MUC22: variants seen among roughly 807,000 people sequenced by gnomAD.
The protein encoded by MUC22 is mucin 22, also known as mucin-22.
A neutral mutation model predicts 40.3 loss-of-function variants in MUC22; 24 were observed. The observed-to-expected ratio is 0.60, with a 90% CI of 0.43 to 0.84. The LOEUF is 0.84. Among genes scored for constraint, MUC22 ranks in the 40% least tolerant of loss-of-function variants. MUC22 has a pLI of 0.00. For missense variants in MUC22, 1,926 were observed against 2,130.7 expected, an observed-to-expected ratio of 0.90 and a Z score of 1.89; for synonymous variants, 765 against 844.5, an observed-to-expected ratio of 0.91 and a Z score of 1.63.
intron 1 of MUC22, among the ~76,000 whole-genome samples, chr6:31,021,538 C>T (rs1413305448): frequency 1.4e-5 from 2 of 144,912 alleles, no homozygotes; most frequent in African/African-American, 2.6e-5. Flanking sequence ...CACTCTGTAT[C>T]TAGCTCAAGG....
intron 1 of MUC22, among the ~76,000 whole-genome samples, chr6:31,024,789 G>C (rs1213535671): frequency 6.6e-6 from 1 of 151,570 alleles, no homozygotes; most frequent in Non-Finnish European, 1.5e-5. Context: ...ATCACATCGA[G>C]CTCATTAACA....
At chr6:31,008,698 G>A (rs2523925), upstream of MUC22, among the ~76,000 whole-genome samples, 22,391 of 151,640 alleles carry the variant, frequency 0.15, 1,728 homozygotes, top group Admixed American at 0.2. Flanking sequence ...ACAGGCACCC[G>A]CCACTACGCC....
chr6:31,030,199 C>A, intron 2 of MUC22, 99 bp downstream of exon 2: 2 of 1,294,440 alleles, frequency 1.5e-6, no homozygotes, highest in South Asian at 3.1e-5. Context: ...TGGTTCAAGT[C>A]AAGCCAGCAC....
intron 1 of MUC22, among the ~76,000 whole-genome samples, chr6:31,025,159 CT>C (rs1485435210): frequency 2.6e-5 from 4 of 152,102 alleles, no homozygotes; most frequent in Non-Finnish European, 5.9e-5. Flanking sequence ...AAATGGCTGC[CT>C]TCTTATCCTT....
At chr6:31,005,953 CA>C (rs751221290), upstream of MUC22, among the ~76,000 whole-genome samples, 4 of 152,016 alleles carry the variant, frequency 2.6e-5, no homozygotes, top group Non-Finnish European at 5.9e-5. Context: ...ACTAAAAATA[CA>C]AAAACTAGCT....
chr6:31,016,627 T>A (rs3869096), intron 1 of MUC22, among the ~76,000 whole-genome samples: 1 of 152,124 alleles, frequency 6.6e-6, no homozygotes, highest in Non-Finnish European at 1.5e-5. Flanking sequence ...TTTTGAGAGG[T>A]GACAGGGTGC....
chr6:31,010,502 TG>T, exon 1 of MUC22: 1 of 560,364 alleles, frequency 1.8e-6, no homozygotes, highest in Non-Finnish European at 3.2e-6. Flanking sequence ...GAAGCCAAAC[TG>T]TGGAGCAATT....
In MUC22 at chr6:31,011,056, G is replaced by A. The variant is rs1763836267; in HGVS notation, c.70+280G>A. On this transcript the variant is annotated intron_variant, in intron 1 of 3. Transcript: ENST00000561890. This position sits in a 1 kb window ranked among gnomAD's most constrained non-coding sequence, Gnocchi z 4.5. ...GGTGGGGCGGTGCTGGGGAAATGGA[G>A]GGGGGTGAGATTTTACTTTCCTTTG... 6.6e-6 allele frequency among the ~76,000 whole-genome samples: 1 copy of A among 151,626 alleles called. No individual in the cohort carries two copies. The highest frequency in any genetic ancestry group is 2.4e-5 in the African/African-American group (1 of 41,100).
chr6:31,011,199 T>G lies in MUC22; in HGVS notation c.70+423T>G, dbSNP rs1214372634. 7.9e-6 allele frequency among the ~76,000 whole-genome samples: 1 copy of G among 127,064 alleles called. No homozygotes were observed. Among genetic ancestry groups the G allele is most frequent in the Admixed American group, 7.7e-5 (1 of 13,038 alleles). 83.4% of individuals were successfully genotyped at this position (127,064 alleles called of 152,430 possible). A position where few individuals can be genotyped will look rare whatever the true frequency, so the allele number is the denominator to read the frequency against. On this transcript the variant is annotated intron_variant, in intron 1 of 3. Transcript: ENST00000561890. The surrounding 1 kb of genome is among the most constrained non-coding windows in gnomAD (Gnocchi z 4.5). ...TCAAGTAAAAATCCTTCAATCCTTC[T>G]TTGTTTTTTTTCCATAGGTTATTTG...
chr6:31,021,975 T>C (rs1019303715), intron 1 of MUC22, among the ~76,000 whole-genome samples: 4 of 152,120 alleles, frequency 2.6e-5, no homozygotes, highest in African/African-American at 9.7e-5. Context: ...GCTTCACTCC[T>C]GAAGCCAGCG....
chr6:31,023,600 ACAC>A (rs1412832844), intron 1 of MUC22, among the ~76,000 whole-genome samples: 1 of 152,224 alleles, frequency 6.6e-6, no homozygotes, highest in Admixed American at 6.5e-5. Context: ...TATGGTCCAG[ACAC>A]CACAATTAAA....
upstream of MUC22, among the ~76,000 whole-genome samples, chr6:31,009,280 T>C (rs1362167474): frequency 6.6e-6 from 1 of 152,212 alleles, no homozygotes; most frequent in Non-Finnish European, 1.5e-5. Flanking sequence ...TTGCCTAGAC[T>C]GCTCTTGAAC....
In MUC22 at chr6:31,028,463, G is replaced by A. The variant is rs758781966; in HGVS notation, c.3032G>A (p.Gly1011Asp). Residue 1011 changes from glycine (G) to aspartate (D), a missense_variant, in exon 2 of 4, where the codon GGC becomes GAC. Gly to Asp is a moderately conservative substitution (Grantham distance 94). Transcript: ENST00000561890. ...GAGACCACCTCAGCCTCTACTACAG[G>A]CTCTGAGACCACCACAGCCTCTACT... 36 of 1,533,088 alleles carry A rather than the reference G, an allele frequency of 2.3e-5. No individual in the cohort carries two copies. The South Asian group carries it at 4.3e-4, about 18-fold the overall frequency. 95.0% of individuals were successfully genotyped at this position (1,533,088 alleles called of 1,614,324 possible). A position where few individuals can be genotyped will look rare whatever the true frequency, so the allele number is the denominator to read the frequency against.
At chr6:31,021,851 T>C (rs1764780011) in intron 1 of MUC22, among the ~76,000 whole-genome samples, 1 of 152,138 alleles carries the variant, frequency 6.6e-6, no homozygotes, top group South Asian at 2.1e-4. Flanking sequence ...CTTGGGTCGT[T>C]TTCCACACTG....
At chr6:31,028,666 A>T in exon 2 of MUC22, 1 of 1,534,072 alleles carries the variant, frequency 6.5e-7, no homozygotes, top group South Asian at 1.2e-5. Context: ...CACAGTCTCC[A>T]CTGCAGGCTC....
At chr6:31,010,955 A>T (rs965524238) in intron 1 of MUC22, among the ~76,000 whole-genome samples, 179 bp downstream of exon 1, 5 of 147,002 alleles carry the variant, frequency 3.4e-5, no homozygotes, top group Admixed American at 2.1e-4. Flanking sequence ...TCCACTGACC[A>T]TGATTCTGAT....
chr6:31,034,827 T>C (rs754743793), exon 4 of MUC22: 1 of 1,535,378 alleles, frequency 6.5e-7, no homozygotes, highest in South Asian at 1.2e-5. Flanking sequence ...AAATGGGACA[T>C]GGAGGAACAC....
chr6:31,021,144 G>GC (rs941547092), intron 1 of MUC22, among the ~76,000 whole-genome samples: 44 of 152,256 alleles, frequency 2.9e-4, no homozygotes, highest in African/African-American at 1.0e-3. Flanking sequence ...TCCACCTGCG[G>GC]CCCCGGGGCG....
exon 4 of MUC22, chr6:31,035,167 T>A (rs9262550): frequency 0.048 from 25,498 of 535,940 alleles, 1,873 homozygotes; most frequent in East Asian, 0.27. Context: ...CAAAAGGACC[T>A]CAGAGACTTT....
Sources: allele counts gnomAD v4.1 joint callset (sites outside exome capture counted in the v4.1 genomes callset), GRCh38; gene constraint gnomAD v4.1.1; non-coding constraint Gnocchi (gnomAD v3.1); transcripts MANE v1.5; gene names NCBI Gene and HGNC (gene_info 2026-07-23, HGNC 2026-07-21).